GTF2H5: variants seen among roughly 807,000 people sequenced by gnomAD.
GTF2H5 encodes general transcription factor IIH subunit 5, also known as TFB5 ortholog.
A neutral mutation model predicts 7.1 loss-of-function variants in GTF2H5; 5 were observed. That is an observed-to-expected ratio of 0.71 (90% CI 0.37 to 1.49). GTF2H5 has a LOEUF of 1.49. Ranked by LOEUF, GTF2H5 falls within the 40% of genes most tolerant of loss-of-function variation. The probability of loss-of-function intolerance (pLI) is 0.03; values close to 1 mark genes in which losing one functional copy is unlikely to be tolerated. For missense variants in GTF2H5, 80 were observed against 83.0 expected (o/e 0.96, Z 0.14); for synonymous variants, 30 against 31.7 (o/e 0.95, Z 0.18).
intron 1 of GTF2H5, among the ~76,000 whole-genome samples, chr6:158,169,739 T>TGTATA (rs1785804542): frequency 9.9e-6 from 1 of 100,556 alleles, no homozygotes; most frequent in African/African-American, 4.5e-5. Flanking sequence ...TATTGTATAT[T>TGTATA]ATATATTATA....
chr6:158,169,365 TATA>T (rs1160809923), intron 1 of GTF2H5, among the ~76,000 whole-genome samples: 10 of 105,142 alleles, frequency 9.5e-5, no homozygotes, highest in East Asian at 2.4e-4. Flanking sequence ...AATACATATA[TATA>T]ATATGTATAT....
At chr6:158,169,655 A>ATAATATATTG (rs1270229749) in intron 1 of GTF2H5, among the ~76,000 whole-genome samples, 2 of 56,448 alleles carry the variant, frequency 3.5e-5, no homozygotes, top group African/African-American at 2.1e-4. Context: ...TGTATATTAC[A>ATAATATATTG]TATAATATAT....
intron 2 of GTF2H5, 47 bp downstream of exon 2, chr6:158,170,585 CT>C (rs1407558059): frequency 7.7e-7 from 1 of 1,292,422 alleles, no homozygotes; most frequent in Non-Finnish European, 1.1e-6. Flanking sequence ...AATATTGAAT[CT>C]TGACTTGTAT....
In GTF2H5 at chr6:158,169,719, T is replaced by TTA. The variant is rs71027387; in HGVS notation, c.-34-746_-34-745dup. On this transcript the variant is annotated intron_variant, in intron 1 of 2. Coordinates refer to ENST00000607778, the MANE Select transcript of GTF2H5 (RefSeq NM_207118.3). Reference sequence around the variant, plus strand: ...TATATAATATATTGTATATTATATATTATATAATATATTGTATATTATATA... The same window carrying TTA: ...TATATAATATATTGTATATTATATATTATATATAATATATTGTATATTATATA... 3.9e-4 allele frequency among the ~76,000 whole-genome samples: 21 copies of TTA among 54,246 alleles called. 4 individuals carry two copies. The highest frequency in any genetic ancestry group is 2.5e-3 in the African/African-American group (21 of 8,278). The allele number at this position is 54,246 out of a possible 152,430, so 35.6% of individuals were successfully genotyped here. A position where few individuals can be genotyped will look rare whatever the true frequency, so the allele number is the denominator to read the frequency against.
intron 2 of GTF2H5, among the ~76,000 whole-genome samples, chr6:158,171,581 G>A (rs1159160539): frequency 6.6e-6 from 1 of 152,180 alleles, no homozygotes; most frequent in African/African-American, 2.4e-5. Context: ...TTGAGAACTG[G>A]CATGAGATGA....
At chr6:158,177,805 G>A (rs1019756939) in intron 2 of GTF2H5, among the ~76,000 whole-genome samples, 1 of 152,110 alleles carries the variant, frequency 6.6e-6, no homozygotes, top group Non-Finnish European at 1.5e-5. Context: ...CCACTTATGA[G>A]CGAGAACATG....
At chr6:158,184,757 A>G (rs561364226) in intron 2 of GTF2H5, among the ~76,000 whole-genome samples, 13 of 152,224 alleles carry the variant, frequency 8.5e-5, no homozygotes, top group Non-Finnish European at 1.9e-4. Context: ...AAGATAGTTT[A>G]CCATTGACTA....
rs551264204 is a variant in GTF2H5, at chr6:158,184,078, C to A, written c.36-7899C>A. Among the ~76,000 whole-genome samples, 25 of 152,272 alleles carry A rather than the reference C, an allele frequency of 1.6e-4. No individual in the cohort carries two copies. The South Asian group carries it at 5.2e-3, about 32-fold the overall frequency. ...GCTTTATTTTCCAAGGTGGGACACT[C>A]CACAACCTTGGTTTGATACTTAGAT... On this transcript the variant is annotated intron_variant, in intron 2 of 2. Coordinates refer to ENST00000607778, the MANE Select transcript of GTF2H5 (RefSeq NM_207118.3).
In GTF2H5 at chr6:158,169,360, A is replaced by ATATATATAATATGTATATTATATAT. The variant is rs1562467672; in HGVS notation, c.-35+978_-35+1002dup. On this transcript the variant is annotated intron_variant, in intron 1 of 2. Coordinates refer to ENST00000607778, the MANE Select transcript of GTF2H5 (RefSeq NM_207118.3). ...ATAATACGTATATTATATATAATACATATATATAATATGTATATTATATAT... is the reference window on the plus strand; with the variant it reads ...ATAATACGTATATTATATATAATACATATATATAATATGTATATTATATATTATATATAATATGTATATTATATAT... Among the ~76,000 whole-genome samples the ATATATATAATATGTATATTATATAT allele has an allele frequency of 3.8e-3, 331 of 86,652 alleles. 13 individuals are homozygous for ATATATATAATATGTATATTATATAT. Among genetic ancestry groups the ATATATATAATATGTATATTATATAT allele is most frequent in the Admixed American group, 0.026 (112 of 4,238 alleles). 56.8% of individuals were successfully genotyped at this position (86,652 alleles called of 152,430 possible).
At chr6:158,169,559 T>TATAATATATTGCATATTAC (rs1562468610) in intron 1 of GTF2H5, among the ~76,000 whole-genome samples, 1 of 67,890 alleles carries the variant, frequency 1.5e-5, no homozygotes, top group African/African-American at 6.8e-5. Flanking sequence ...CTGTATATTA[T>TATAATATATTGCATATTAC]ATATAATATA....
At chr6:158,169,688 A>ATATTG (rs1482700589) in intron 1 of GTF2H5, among the ~76,000 whole-genome samples, 3,013 of 49,794 alleles carry the variant, frequency 0.061, 382 homozygotes, top group African/African-American at 0.074. Flanking sequence ...AATATATAAT[A>ATATTG]TATATTATAT....
chr6:158,179,258 A>G (rs1234927217), intron 2 of GTF2H5, among the ~76,000 whole-genome samples: 1 of 152,158 alleles, frequency 6.6e-6, no homozygotes, highest in Admixed American at 6.5e-5. Context: ...GCCTTGTAGT[A>G]TAGTTTGAAG....
chr6:158,174,671 C>T (rs1785904668), intron 2 of GTF2H5, among the ~76,000 whole-genome samples: 1 of 152,210 alleles, frequency 6.6e-6, no homozygotes, highest in African/African-American at 2.4e-5. Flanking sequence ...ATGTCTGTGT[C>T]CAGTTCCAGA....
chr6:158,176,055 T>C (rs768619682), intron 2 of GTF2H5, among the ~76,000 whole-genome samples: 3 of 152,312 alleles, frequency 2.0e-5, no homozygotes, highest in Non-Finnish European at 4.4e-5. Context: ...AGTGCTGTCA[T>C]CTCCATTTAT....
intron 1 of GTF2H5, among the ~76,000 whole-genome samples, chr6:158,169,602 A>G (rs1462994314): frequency 5.4e-5 from 3 of 55,376 alleles, no homozygotes; most frequent in Non-Finnish European, 8.7e-5. Context: ...TGTATATTAC[A>G]TATATTGTAT....
intron 2 of GTF2H5, 37 bp from the exon 3 acceptor site, chr6:158,191,940 A>G (rs1314203403): frequency 2.6e-6 from 4 of 1,550,534 alleles, no homozygotes; most frequent in African/African-American, 2.7e-5. Flanking sequence ...GTGATTTGAC[A>G]ACAAGCTGTC....
At chr6:158,174,201 C>G (rs1785899212) in intron 2 of GTF2H5, among the ~76,000 whole-genome samples, 1 of 152,144 alleles carries the variant, frequency 6.6e-6, no homozygotes, top group African/African-American at 2.4e-5. Context: ...TCCACTGTCC[C>G]AGGAATCTCT....
At chr6:158,175,034 G>GTATATATA (rs1316385239) in intron 2 of GTF2H5, among the ~76,000 whole-genome samples, 11 of 146,188 alleles carry the variant, frequency 7.5e-5, no homozygotes, top group African/African-American at 2.6e-4. Flanking sequence ...GTGTGTGTGT[G>GTATATATA]TGTGTGTGTG....
Position 158,168,382 on chromosome 6 carries a change from A to G in GTF2H5, c.-48A>G, listed in dbSNP as rs1196714473. The G allele has an allele frequency of 1.3e-5, 2 of 152,348 alleles. No homozygotes were observed. Among genetic ancestry groups the G allele is most frequent in the Non-Finnish European group, 2.9e-5 (2 of 68,148 alleles). The allele number at this position is 152,348 out of a possible 1,614,324, so 9.4% of individuals were successfully genotyped here. A position where few individuals can be genotyped will look rare whatever the true frequency, so the allele number is the denominator to read the frequency against. Reference sequence around the variant, plus strand: ...GCCGGCAACGCCGAGGCGCTTCTGCATCTGTGGGCCGAGGTGTGTGGCGAG... The same window carrying G: ...GCCGGCAACGCCGAGGCGCTTCTGCGTCTGTGGGCCGAGGTGTGTGGCGAG... On this transcript the variant is annotated 5_prime_UTR_variant, in exon 1 of 3. Transcript: ENST00000607778.
Sources: gnomAD v4.1 joint callset for allele counts (sites outside exome capture counted in the v4.1 genomes callset) on GRCh38, gnomAD v4.1.1 for gene constraint, MANE v1.5 for transcripts, NCBI Gene and HGNC (gene_info 2026-07-23, HGNC 2026-07-21) for gene names.